Variants in SGCG observed in about 807,000 individuals in gnomAD.
SGCG encodes the protein sarcoglycan gamma.
Under a neutral mutation model 29.3 loss-of-function variants are expected in SGCG, and 26 were observed. The ratio of observed to expected loss-of-function variants is 0.89; its 90% CI spans 0.65 to 1.23. The LOEUF (loss-of-function observed/expected upper bound fraction) is 1.23, where lower values mean the gene tolerates loss of function less well. Among genes scored for constraint, SGCG ranks in the 50% most tolerant of loss-of-function variants. SGCG has a pLI of 0.00. For synonymous variants in SGCG, 145 were observed against 129.7 expected, an observed-to-expected ratio of 1.12 and a Z score of -0.80; for missense variants, 353 against 356.0, an observed-to-expected ratio of 0.99 and a Z score of 0.07.
the SGCG span, among the ~76,000 whole-genome samples, chr13:23,169,024 C>T: frequency 6.6e-6 from 1 of 151,518 alleles, no homozygotes; most frequent in African/African-American, 2.4e-5. Flanking sequence ...AAGAACTCAT[C>T]CATAAGGTTT....
At chr13:23,292,346 G>C (rs1686601338) in intron 5 of SGCG, among the ~76,000 whole-genome samples, 1 of 152,202 alleles carries the variant, frequency 6.6e-6, no homozygotes, top group South Asian at 2.1e-4. Context: ...CTGGCCTCAA[G>C]TGATCTGCCT....
intron 6 of SGCG, among the ~76,000 whole-genome samples, chr13:23,314,323 A>C (rs1882715730): frequency 7.2e-6 from 1 of 139,830 alleles, no homozygotes; most frequent in African/African-American, 2.7e-5. Flanking sequence ...ATCTGTGTTT[A>C]CTTCCTGACT....
At chr13:23,227,653 G>T (rs1468158066) in intron 2 of SGCG, among the ~76,000 whole-genome samples, 1 of 152,122 alleles carries the variant, frequency 6.6e-6, no homozygotes, top group African/African-American at 2.4e-5. Context: ...GTATTTTAGT[G>T]AAAGAAGCCT....
At chr13:23,293,859 C>T (rs1402166607) in intron 5 of SGCG, among the ~76,000 whole-genome samples, 1 of 151,350 alleles carries the variant, frequency 6.6e-6, no homozygotes, top group Non-Finnish European at 1.5e-5. Flanking sequence ...TTAGTAAGGG[C>T]TGCTCAAAAG....
chr13:23,199,761 G>A (rs1387318493), intron 1 of SGCG, among the ~76,000 whole-genome samples: 1 of 152,250 alleles, frequency 6.6e-6, no homozygotes, highest in East Asian at 1.9e-4. Context: ...ACAAAGATTG[G>A]TAAATACAGC....
intron 5 of SGCG, among the ~76,000 whole-genome samples, chr13:23,282,809 G>C (rs930173771): frequency 3.3e-5 from 5 of 152,166 alleles, no homozygotes; most frequent in Admixed American, 6.6e-5. Flanking sequence ...GGTGGAGGTT[G>C]GGGGAGACTG....
chr13:23,291,426 T>C (rs1458278121), intron 5 of SGCG, among the ~76,000 whole-genome samples: 2 of 152,166 alleles, frequency 1.3e-5, no homozygotes, highest in African/African-American at 4.8e-5. Flanking sequence ...ATAAAGAAAA[T>C]GCAATTAAAT....
chr13:23,277,233 A>T (rs992813398), intron 4 of SGCG, among the ~76,000 whole-genome samples: 1 of 152,200 alleles, frequency 6.6e-6, no homozygotes, highest in African/African-American at 2.4e-5. Context: ...TACTGGATTA[A>T]TTATTCCAAT....
intron 1 of SGCG, among the ~76,000 whole-genome samples, chr13:23,182,514 T>C (rs1876781716): frequency 6.6e-6 from 1 of 151,190 alleles, no homozygotes; most frequent in South Asian, 2.1e-4. Flanking sequence ...GGCTTTATTC[T>C]TCTCCAGACC....
chr13:23,263,163 A>G (rs1247045968), intron 4 of SGCG, among the ~76,000 whole-genome samples: 1 of 34,134 alleles, frequency 2.9e-5, no homozygotes, highest in Non-Finnish European at 6.1e-5. Context: ...GAGCAGAAAC[A>G]AAAAAAAAAT....
At chr13:23,165,862 T>C in the SGCG span, among the ~76,000 whole-genome samples, 5 of 152,198 alleles carry the variant, frequency 3.3e-5, no homozygotes, top group Non-Finnish European at 5.9e-5. Flanking sequence ...CTGGCATTTA[T>C]TAAAGCAGTC....
At chr13:23,244,499 A>T (rs915417041) in intron 3 of SGCG, 2 of 152,222 alleles carry the variant, frequency 1.3e-5, no homozygotes, top group African/African-American at 4.8e-5. Context: ...AATAATCCCT[A>T]AAAATAGAAT....
At chr13:23,230,750 TCTC>T (rs1446881663) in intron 2 of SGCG, among the ~76,000 whole-genome samples, 2 of 151,566 alleles carry the variant, frequency 1.3e-5, no homozygotes, top group African/African-American at 4.9e-5. Flanking sequence ...TTTGACTTCC[TCTC>T]CTCCTATTTG....
chr13:23,308,230 A>G (rs766494959), intron 6 of SGCG, among the ~76,000 whole-genome samples: 1 of 152,178 alleles, frequency 6.6e-6, no homozygotes, highest in Non-Finnish European at 1.5e-5. Context: ...AGTTCTTTCA[A>G]AAACATTTTT....
chr13:23,209,064 C>G (rs1878093744), intron 2 of SGCG, among the ~76,000 whole-genome samples: 1 of 151,970 alleles, frequency 6.6e-6, no homozygotes, highest in Non-Finnish European at 1.5e-5. Context: ...TCTAAGCTAA[C>G]TATATTAACT....
chr13:23,322,033 A>C (rs1241400558), intron 7 of SGCG, among the ~76,000 whole-genome samples: 1 of 152,222 alleles, frequency 6.6e-6, no homozygotes, highest in African/African-American at 2.4e-5. Context: ...GTATGATGCC[A>C]TATTTATAGA....
At chr13:23,312,756 T>G (rs1429340133) in intron 6 of SGCG, among the ~76,000 whole-genome samples, 2 of 152,172 alleles carry the variant, frequency 1.3e-5, no homozygotes, top group African/African-American at 4.8e-5. Flanking sequence ...ATACATATTT[T>G]TAAACTGTAC....
At chr13:23,212,352 G>T (rs1239514555) in intron 2 of SGCG, among the ~76,000 whole-genome samples, 1 of 149,398 alleles carries the variant, frequency 6.7e-6, no homozygotes. Context: ...ATTCTCTTTT[G>T]TAAGACTCGG....
intron 3 of SGCG, among the ~76,000 whole-genome samples, chr13:23,247,518 T>C (rs1287761652): frequency 6.6e-6 from 1 of 152,150 alleles, no homozygotes; most frequent in Admixed American, 6.5e-5. Flanking sequence ...TAAATCCCTG[T>C]CCTCTGCAGC....
Sources: gnomAD v4.1 joint callset for allele counts (sites outside exome capture counted in the v4.1 genomes callset) on GRCh38, gnomAD v4.1.1 for gene constraint, MANE v1.5 for transcripts, NCBI Gene and HGNC (gene_info 2026-07-23, HGNC 2026-07-21) for gene names.